The following CINP variants were observed in gnomAD, a reference collection of about 807,000 sequenced individuals.
CINP encodes the protein cyclin dependent kinase 2 interacting protein.
Under a neutral mutation model 20.5 loss-of-function variants are expected in CINP, and 11 were observed. That is an observed-to-expected ratio of 0.54 (90% CI 0.34 to 0.89). The LOEUF (loss-of-function observed/expected upper bound fraction) is 0.89. Ranked by LOEUF, CINP falls within the 40% of genes least tolerant of loss-of-function variation. CINP has a pLI of 0.02. For synonymous variants in CINP, 108 were observed against 102.1 expected (o/e 1.06, Z -0.35); for missense variants, 213 against 251.0 (o/e 0.85, Z 1.02).
chr14:102,361,619 T>C (rs981195420), intron 1 of CINP, among the ~76,000 whole-genome samples: 2 of 151,924 alleles, frequency 1.3e-5, no homozygotes, highest in Admixed American at 6.5e-5. Context: ...CCAGCCTGGG[T>C]GACAGAGCGA....
chr14:102,360,054 ACAGAGATG>A (rs1887103549), intron 1 of CINP, among the ~76,000 whole-genome samples: 2 of 152,288 alleles, frequency 1.3e-5, no homozygotes, highest in East Asian at 3.9e-4. Flanking sequence ...CACTGAGACA[ACAGAGATG>A]CAGAGTTGAT....
At chr14:102,358,351 G>A (rs943293454) in intron 2 of CINP, among the ~76,000 whole-genome samples, 15 of 152,206 alleles carry the variant, frequency 9.9e-5, no homozygotes, top group Admixed American at 4.6e-4. Flanking sequence ...CCAGAATAGT[G>A]GCTCTACATT....
At chr14:102,350,114 C>CT (rs1289265547) in intron 3 of CINP, 66 bp from the exon 4 acceptor site, 29 of 1,447,170 alleles carry the variant, frequency 2.0e-5, no homozygotes, top group South Asian at 1.7e-4. Context: ...TTTAATAACT[C>CT]TAAGATTTCA....
intron 3 of CINP, chr14:102,352,703 G>A (rs1886896529): frequency 2.7e-6 from 1 of 374,658 alleles, no homozygotes; most frequent in African/African-American, 2.1e-5. Flanking sequence ...CTGTGGCCCA[G>A]ACTGGAGTGC....
chr14:102,359,300 A>G (rs1424038773), intron 2 of CINP, 119 bp downstream of exon 2: 6 of 489,740 alleles, frequency 1.2e-5, no homozygotes, highest in Non-Finnish European at 2.1e-5. Flanking sequence ...TTATACTTAC[A>G]CGTATCATCT....
intron 3 of CINP, 66 bp from the exon 4 acceptor site, chr14:102,350,114 C>CTT: frequency 6.9e-7 from 1 of 1,447,288 alleles, no homozygotes. Flanking sequence ...TTTAATAACT[C>CTT]TAAGATTTCA....
intron 2 of CINP, among the ~76,000 whole-genome samples, chr14:102,359,087 G>C (rs1887065084): frequency 6.6e-6 from 1 of 151,706 alleles, no homozygotes; most frequent in Non-Finnish European, 1.5e-5. Flanking sequence ...TGTAATCCCA[G>C]CTACTCCGGA....
intron 1 of CINP, chr14:102,362,644 A>G (rs1887194591): frequency 4.1e-6 from 3 of 730,694 alleles, no homozygotes; most frequent in East Asian, 2.7e-5. Context: ...GCACATGTGA[A>G]AAAACGGAGG....
Position 102,355,580 on chromosome 14 carries a change from C to T in CINP, c.306+188G>A, listed in dbSNP as rs111770672. ...AAGTGGGTGACATTTCCCCGGATGACGCACAGGAGGAGTGAGTGTCTAAGA... is the reference window on the plus strand; with the variant it reads ...AAGTGGGTGACATTTCCCCGGATGATGCACAGGAGGAGTGAGTGTCTAAGA... On this transcript the variant is annotated intron_variant, in intron 3 of 4. Transcript: ENST00000216756. The T allele has an allele frequency of 1.0e-3, 596 of 570,378 alleles. 4 individuals carry two copies. The highest frequency in any genetic ancestry group is 8.8e-3 in the African/African-American group (466 of 52,984). The allele number at this position is 570,378 out of a possible 1,614,324, so 35.3% of individuals were successfully genotyped here. A position where few individuals can be genotyped will look rare whatever the true frequency, so the allele number is the denominator to read the frequency against.
chr14:102,359,449 T>C lies in CINP; in HGVS notation c.146A>G (p.Asn49Ser). The C allele has an allele frequency of 2.5e-6, 4 of 1,602,660 alleles. No individual in the cohort carries two copies. The South Asian group carries it at 3.4e-5, about 14-fold the overall frequency. ...TLNDAGFTTA[N>S]NIANLKISLL... Reference sequence around the variant, plus strand: ...ACTGATTTTCAAGTTGGCAATATTATTTGCAGTGGTAAAACCTGCATCATT... The same window carrying C: ...ACTGATTTTCAAGTTGGCAATATTACTTGCAGTGGTAAAACCTGCATCATT... Residue 49 changes from asparagine to serine, a missense_variant, in exon 2 of 5, where the codon AAT (asparagine) becomes AGT (serine). Transcript: ENST00000216756.
intron 1 of CINP, among the ~76,000 whole-genome samples, chr14:102,361,202 T>G (rs555963247): frequency 6.6e-6 from 1 of 152,180 alleles, no homozygotes; most frequent in Admixed American, 6.5e-5. Context: ...GCCCTAATTA[T>G]GATAATGAGG....
intron 2 of CINP, among the ~76,000 whole-genome samples, 182 bp downstream of exon 2, chr14:102,359,227 AATATATATAT>A (rs10632205): frequency 2.0e-4 from 23 of 115,424 alleles, no homozygotes; most frequent in Admixed American, 8.9e-4. Context: ...TAAATAACTA[AATATATATAT>A]ATATATATAT....
intron 1 of CINP, among the ~76,000 whole-genome samples, chr14:102,360,942 A>G (rs1258624105): frequency 6.6e-6 from 1 of 152,264 alleles, no homozygotes; most frequent in African/African-American, 2.4e-5. Flanking sequence ...ATATTTGCTT[A>G]CTGCCTACAA....
At position 102,350,397 on chromosome 14, in the gene CINP, CT is replaced by C. The variant is rs562589337; in HGVS notation, c.307-350del. On this transcript the variant is annotated intron_variant, in intron 3 of 4. Transcript: ENST00000216756. ...GCTCTTGCTGCCTTTTTTTTTTTTT[CT>C]TTTTTTTTTTGCGACAGGGTCTCAT... Among the ~76,000 whole-genome samples, 43 of 126,638 alleles carry C rather than the reference CT, an allele frequency of 3.4e-4. 1 individual carries two copies. The highest frequency in any genetic ancestry group is 1.8e-3 in the South Asian group (7 of 3,848). 83.1% of individuals were successfully genotyped at this position (126,638 alleles called of 152,430 possible).
In CINP at chr14:102,359,542, A is replaced by G. The variant is rs1255932721; in HGVS notation, c.53T>C (p.Val18Ala). 3 of 1,613,172 alleles carry G rather than the reference A, an allele frequency of 1.9e-6. No homozygotes were observed. The highest frequency in any genetic ancestry group is 2.5e-6 in the Non-Finnish European group (3 of 1,179,542). ...ATTGTCCTTAATTTTTCTTGCACTG[A>G]CAGATAAGACAGGTTTTCTGGGCGT... ...TVTPRKPVLS[V>A]SARKIKDNAA... is the part of the protein sequence containing the mutation. The change falls in exon 2 of 5, where the codon GTC becomes GCC. Residue 18 changes from valine (V) to alanine (A), a missense_variant. Transcript: ENST00000216756.
chr14:102,362,868 C>A lies in CINP; in HGVS notation c.-17G>T. 1 of 1,614,080 alleles carries A rather than the reference C, an allele frequency of 6.2e-7. No individual in the cohort carries two copies. The highest frequency in any genetic ancestry group is 8.5e-7 in the Non-Finnish European group (1 of 1,179,932). ...ACCTTCCATAAGGTCCACAGATATCCGTAGAAGGAGACGCGAAGCCCCGCC... is the reference window on the plus strand; with the variant it reads ...ACCTTCCATAAGGTCCACAGATATCAGTAGAAGGAGACGCGAAGCCCCGCC... On this transcript the variant is annotated 5_prime_UTR_variant, in exon 1 of 5. Transcript: ENST00000216756.
chr14:102,359,596 G>T lies in CINP; in HGVS notation c.8-9C>A, dbSNP rs1567306978. ...AGTTCCAAGAGTCTTTGCTGATAGGGTATAAAAGAAACAAAATTATTATCA... is the reference window on the plus strand; with the variant it reads ...AGTTCCAAGAGTCTTTGCTGATAGGTTATAAAAGAAACAAAATTATTATCA... On this transcript the variant is annotated splice_polypyrimidine_tract_variant and intron_variant, in intron 1 of 4. Transcript: ENST00000216756. 2 of 1,593,816 alleles carry T rather than the reference G, an allele frequency of 1.3e-6. No individual in the cohort carries two copies. The highest frequency in any genetic ancestry group is 8.5e-7 in the Non-Finnish European group (1 of 1,170,262).
chr14:102,358,221 C>G (rs546138325), intron 2 of CINP, among the ~76,000 whole-genome samples: 2 of 152,314 alleles, frequency 1.3e-5, no homozygotes, highest in Admixed American at 1.3e-4. Flanking sequence ...GGGAAAGACA[C>G]TGTGCACACT....
At position 102,348,298 on chromosome 14, in the gene CINP, A is replaced by G. The variant is rs1032758966; in HGVS notation, c.*259T>C. 3 of 513,332 alleles carry G rather than the reference A, an allele frequency of 5.8e-6. No individual in the cohort carries two copies. In the Admixed American group the frequency reaches 1.0e-4, roughly 18 times the overall value. The allele number at this position is 513,332 out of a possible 1,614,324, so 31.8% of individuals were successfully genotyped here. On this transcript the variant is annotated 3_prime_UTR_variant, in exon 5 of 5. Coordinates refer to ENST00000216756, the MANE Select transcript of CINP (RefSeq NM_032630.3). ...ACTCACTCATTCTGCTCAGAAACTC[A>G]TTGATTTTACTCTGAAGCACCCACG...
Sources: allele counts gnomAD v4.1 joint callset (sites outside exome capture counted in the v4.1 genomes callset), GRCh38; gene constraint gnomAD v4.1.1; transcripts MANE v1.5; gene names NCBI Gene and HGNC (gene_info 2026-07-23, HGNC 2026-07-21).